Variants in DZIP1L observed in about 807,000 individuals in gnomAD.
DZIP1L encodes the protein DAZ interacting zinc finger protein 1 like, also known as cilium assembly protein DZIP1L.
DZIP1L carries 90 observed loss-of-function variants against 88.7 expected under a neutral mutation model. The observed-to-expected ratio is 1.02, with a 90% CI of 0.86 to 1.21. DZIP1L has a LOEUF of 1.21. Ranked by LOEUF, DZIP1L falls within the 50% of genes most tolerant of loss-of-function variation. The probability of loss-of-function intolerance (pLI) is 0.00; values close to 1 mark genes in which losing one functional copy is unlikely to be tolerated. For synonymous variants in DZIP1L, 363 were observed against 372.1 expected (o/e 0.98, Z 0.28); for missense variants, 932 against 955.8 (o/e 0.98, Z 0.33).
intron 1 of DZIP1L, among the ~76,000 whole-genome samples, chr3:138,114,451 C>T (rs1559870845): frequency 6.6e-6 from 1 of 152,198 alleles, no homozygotes; most frequent in Non-Finnish European, 1.5e-5. Context: ...CCCTTATCAG[C>T]CACTAGACTG....
At chr3:138,106,137 T>C (rs946464893) in intron 1 of DZIP1L, among the ~76,000 whole-genome samples, 14 of 133,904 alleles carry the variant, frequency 1.0e-4, no homozygotes, top group African/African-American at 3.9e-4. Flanking sequence ...CTTTTTTTTT[T>C]TTTTTTTTTT....
intron 1 of DZIP1L, among the ~76,000 whole-genome samples, chr3:138,113,797 G>A (rs1289500101): frequency 2.0e-5 from 3 of 152,098 alleles, no homozygotes; most frequent in Admixed American, 6.6e-5. Flanking sequence ...CCCCTCAACC[G>A]GGCACAGCGC....
chr3:138,067,704 C>A lies in DZIP1L; in HGVS notation c.1833-4G>T. The A allele has an allele frequency of 6.5e-7, 1 of 1,540,626 alleles. No homozygotes were observed. The highest frequency in any genetic ancestry group is 8.7e-7 in the Non-Finnish European group (1 of 1,146,032). ...TTCAGAACTGAACGGGGGCGTGCTG[C>A]CACGAGGAGGAGAAGAAATGAGGGA... On this transcript the variant is annotated splice_polypyrimidine_tract_variant and splice_region_variant and intron_variant, in intron 13 of 15. Coordinates refer to ENST00000327532, the MANE Select transcript of DZIP1L (RefSeq NM_173543.3).
At chr3:138,097,638 T>G (rs930221432) in intron 3 of DZIP1L, 125 bp downstream of exon 3, 1 of 854,272 alleles carries the variant, frequency 1.2e-6, no homozygotes, top group African/African-American at 1.7e-5. Flanking sequence ...GATCATCCCA[T>G]CCCCAATTGG....
intron 5 of DZIP1L, among the ~76,000 whole-genome samples, chr3:138,089,901 C>A (rs1461255415): frequency 6.6e-6 from 1 of 152,038 alleles, no homozygotes; most frequent in African/African-American, 2.4e-5. Flanking sequence ...GTAATCCCAG[C>A]ACATTGGGAG....
chr3:138,070,800 G>A (rs1192355637), intron 12 of DZIP1L, among the ~76,000 whole-genome samples: 11 of 152,108 alleles, frequency 7.2e-5, no homozygotes, highest in South Asian at 6.2e-4. Context: ...CTGAGGAGAC[G>A]AAGTAAAAGG....
intron 11 of DZIP1L, 87 bp from the exon 12 acceptor site, chr3:138,071,922 TG>T: frequency 7.6e-7 from 1 of 1,310,550 alleles, no homozygotes. Flanking sequence ...GCTGCTGGCC[TG>T]GGAGTCTGTG....
rs1159682286 is a variant in DZIP1L, at chr3:138,071,720, A to T, written c.1538T>A (p.Val513Asp). The T allele has an allele frequency of 1.1e-5, 18 of 1,614,166 alleles. No individual in the cohort carries two copies. Among genetic ancestry groups the T allele is most frequent in the Non-Finnish European group, 1.5e-5 (18 of 1,180,022 alleles). ...CTTCGCTCTGCTGGTGACTTCCTTG[A>T]CAAGCTTTCCCCTCAGACTCAGAAA... ...SEFLSLRGKL[V>D]KEVTSRAKER... The change falls in exon 12 of 16, where the codon GTC becomes GAC. Residue 513 changes from valine to aspartate, a missense_variant. Coordinates refer to ENST00000327532, the MANE Select transcript of DZIP1L (RefSeq NM_173543.3).
intron 5 of DZIP1L, among the ~76,000 whole-genome samples, chr3:138,091,483 TG>T (rs1944221440): frequency 6.6e-6 from 1 of 150,890 alleles, no homozygotes; most frequent in Admixed American, 6.6e-5. Flanking sequence ...CCAGGAACGG[TG>T]GCACACGCCT....
chr3:138,101,980 T>G, intron 2 of DZIP1L: 2 of 1,541,752 alleles, frequency 1.3e-6, no homozygotes, highest in African/African-American at 1.4e-5. Flanking sequence ...CGGCTGATGT[T>G]CTGGTTCATC....
intron 2 of DZIP1L, among the ~76,000 whole-genome samples, chr3:138,098,797 T>C (rs1205024101): frequency 6.6e-6 from 1 of 152,216 alleles, no homozygotes; most frequent in African/African-American, 2.4e-5. Flanking sequence ...CAATTTGTTA[T>C]CAATTAATAA....
In DZIP1L at chr3:138,103,570, G is replaced by C; in HGVS notation, c.402C>G (p.Asp134Glu). 1 of 1,608,216 alleles carries C rather than the reference G, an allele frequency of 6.2e-7. No individual in the cohort carries two copies. The highest frequency in any genetic ancestry group is 8.5e-7 in the Non-Finnish European group (1 of 1,179,558). The change falls in exon 2 of 16, where the codon GAC becomes GAG. Residue 134 changes from aspartate to glutamate, a missense_variant. Transcript: ENST00000327532. ...TCTCCTCCCGCACACCCTTGAGCTCGTCAGCCTGGCGTCCCAGCTCCTGCT... is the reference window on the plus strand; with the variant it reads ...TCTCCTCCCGCACACCCTTGAGCTCCTCAGCCTGGCGTCCCAGCTCCTGCT... ...RGQQELGRQADELKGVREESR... is the reference protein window; with the variant it reads ...RGQQELGRQAEELKGVREESR...
chr3:138,073,667 C>T (rs1366427921), intron 11 of DZIP1L, among the ~76,000 whole-genome samples: 1 of 152,034 alleles, frequency 6.6e-6, no homozygotes, highest in Admixed American at 6.5e-5. Flanking sequence ...TCTTTAACAC[C>T]CACAAAAATC....
At chr3:138,106,202 G>A (rs898413971) in intron 1 of DZIP1L, among the ~76,000 whole-genome samples, 5 of 129,102 alleles carry the variant, frequency 3.9e-5, no homozygotes, top group African/African-American at 1.2e-4. Flanking sequence ...ACAATGGCGC[G>A]ATCTCGGCTT....
intron 1 of DZIP1L, 56 bp downstream of exon 1, chr3:138,115,272 C>T (rs1255631644): frequency 6.6e-6 from 1 of 152,276 alleles, no homozygotes; most frequent in African/African-American, 2.4e-5. Context: ...AAGCTACCCA[C>T]CCGCCCCGCT....
chr3:138,067,427 A>G, intron 14 of DZIP1L, 104 bp downstream of exon 14: 1 of 1,299,722 alleles, frequency 7.7e-7, no homozygotes, highest in Non-Finnish European at 1.0e-6. Context: ...CAAATAAGAA[A>G]GCCTAAAGGA....
chr3:138,064,446 A>C (rs777562641), intron 15 of DZIP1L, 182 bp downstream of exon 15: 1 of 1,577,312 alleles, frequency 6.3e-7, no homozygotes, highest in Non-Finnish European at 8.6e-7. Context: ...ACTTGGATAC[A>C]AGTATTCCAA....
intron 2 of DZIP1L, among the ~76,000 whole-genome samples, chr3:138,099,635 C>A (rs1175350501): frequency 1.3e-5 from 2 of 152,114 alleles, no homozygotes; most frequent in Admixed American, 6.5e-5. Flanking sequence ...GGTCATGGGG[C>A]AGATCCCTCA....
chr3:138,086,171 T>A (rs1295606634), intron 7 of DZIP1L, among the ~76,000 whole-genome samples: 1 of 151,178 alleles, frequency 6.6e-6, no homozygotes, highest in African/African-American at 2.4e-5. Context: ...GACAAGTTAA[T>A]GGGTGCAGCA....
Sources: gnomAD v4.1 joint callset for allele counts (sites outside exome capture counted in the v4.1 genomes callset) on GRCh38, gnomAD v4.1.1 for gene constraint, MANE v1.5 for transcripts, NCBI Gene and HGNC (gene_info 2026-07-23, HGNC 2026-07-21) for gene names.